Variants in KCNH5 observed in about 807,000 individuals in gnomAD.
The protein encoded by KCNH5 is voltage-gated delayed rectifier potassium channel KCNH5.
In KCNH5, 46 loss-of-function variants were observed where a neutral mutation model predicts 96.1. That is an observed-to-expected ratio of 0.48 (90% confidence interval 0.38 to 0.61). The LOEUF is 0.61. KCNH5 is among the 20% of genes least tolerant of loss of function. The pLI, the probability that KCNH5 is intolerant of heterozygous loss-of-function variation, is 0.00. For synonymous variants in KCNH5, 439 were observed against 449.8 expected, an observed-to-expected ratio of 0.98 and a Z score of 0.30; for missense variants, 907 against 1,225.8, an observed-to-expected ratio of 0.74 and a Z score of 3.88.
At chr14:62,768,921 A>T (rs750721849) in intron 10 of KCNH5, among the ~76,000 whole-genome samples, 2 of 152,212 alleles carry the variant, frequency 1.3e-5, no homozygotes, top group Non-Finnish European at 2.9e-5. Flanking sequence ...AAAAGTTTTT[A>T]TTCCGTCTGG....
chr14:62,718,712 G>A (rs1359431711), intron 10 of KCNH5, among the ~76,000 whole-genome samples: 2 of 152,204 alleles, frequency 1.3e-5, no homozygotes, highest in East Asian at 1.9e-4. Flanking sequence ...CTCCTATATA[G>A]CCAAGAGAAT....
chr14:62,987,616 G>A (rs866689127), intron 4 of KCNH5, among the ~76,000 whole-genome samples: 24 of 152,126 alleles, frequency 1.6e-4, no homozygotes, highest in African/African-American at 5.1e-4. Context: ...CTTCCATGCC[G>A]TGATTTAAGA....
At chr14:62,780,986 A>C (rs1886199333) in intron 9 of KCNH5, among the ~76,000 whole-genome samples, 1 of 152,152 alleles carries the variant, frequency 6.6e-6, no homozygotes, top group Non-Finnish European at 1.5e-5. Context: ...GTCATCATGC[A>C]GATTAAAATC....
intron 10 of KCNH5, among the ~76,000 whole-genome samples, chr14:62,761,064 A>T (rs949251589): frequency 2.0e-5 from 3 of 152,166 alleles, no homozygotes; most frequent in African/African-American, 7.2e-5. Context: ...TCCTCAAAAG[A>T]TTACGGTCGG....
In KCNH5 at chr14:63,006,486, A is replaced by G. The variant is rs1891129824; in HGVS notation, c.198-14T>C. ...CCATACATAAAACTGGGGGGGAAAA[A>G]AAACAAACAATCGATTTCACTTTTG... On this transcript the variant is annotated splice_polypyrimidine_tract_variant and intron_variant, in intron 2 of 10. Coordinates refer to ENST00000322893, the MANE Select transcript of KCNH5 (RefSeq NM_139318.5). The G allele has an allele frequency of 6.9e-7, 1 of 1,450,942 alleles. No homozygotes were observed. The highest frequency in any genetic ancestry group is 9.7e-7 in the Non-Finnish European group (1 of 1,035,582). The allele number at this position is 1,450,942 out of a possible 1,614,324, so 89.9% of individuals were successfully genotyped here.
intron 3 of KCNH5, 75 bp from the exon 4 acceptor site, chr14:63,001,534 C>T (rs1026428969): frequency 2.9e-6 from 4 of 1,397,542 alleles, no homozygotes; most frequent in Admixed American, 2.4e-5. Flanking sequence ...CTCCTGGCTT[C>T]CTTCTTCCTT....
chr14:62,756,532 T>C (rs1392408599), intron 10 of KCNH5, among the ~76,000 whole-genome samples: 1 of 152,080 alleles, frequency 6.6e-6, no homozygotes, highest in African/African-American at 2.4e-5. Flanking sequence ...AGAAATCATA[T>C]TAACTGACTT....
At chr14:62,925,620 A>C (rs1318530457) in intron 7 of KCNH5, among the ~76,000 whole-genome samples, 1 of 152,056 alleles carries the variant, frequency 6.6e-6, no homozygotes, top group African/African-American at 2.4e-5. Context: ...ACCCCATCTC[A>C]GCACCCCTGG....
chr14:62,887,439 A>G (rs1408231480), intron 7 of KCNH5, among the ~76,000 whole-genome samples: 1 of 152,206 alleles, frequency 6.6e-6, no homozygotes, highest in Non-Finnish European at 1.5e-5. Context: ...CCAGAAGTAT[A>G]AGAAAAAAGT....
In KCNH5 at chr14:62,732,277, C is replaced by T. The variant is rs1324236785; in HGVS notation, c.2020-23822G>A. Among the ~76,000 whole-genome samples the T allele has an allele frequency of 3.9e-5, 6 of 152,284 alleles. No individual in the cohort carries two copies. The South Asian group carries it at 1.2e-3, about 32-fold the overall frequency. On this transcript the variant is annotated intron_variant, in intron 10 of 10. Transcript: ENST00000322893. ...CTATAGAATGAACACAACCGTGCTT[C>T]TTTTTCTCTTTCCTTTCCCTTGGAG...
intron 10 of KCNH5, among the ~76,000 whole-genome samples, chr14:62,715,429 C>T (rs1171783979): frequency 6.6e-6 from 1 of 152,146 alleles, no homozygotes; most frequent in Non-Finnish European, 1.5e-5. Context: ...TTACTGCTTC[C>T]ATCATCTTAG....
chr14:62,913,117 A>T (rs1889203056), intron 7 of KCNH5, among the ~76,000 whole-genome samples: 1 of 152,246 alleles, frequency 6.6e-6, no homozygotes, highest in South Asian at 2.1e-4. Context: ...TGATTTGTCA[A>T]GATTAATGAA....
intron 8 of KCNH5, among the ~76,000 whole-genome samples, chr14:62,828,508 G>A (rs906875171): frequency 1.3e-5 from 2 of 152,226 alleles, no homozygotes; most frequent in Admixed American, 6.5e-5. Context: ...GAAAGGGAAG[G>A]GGAAGGAAGG....
chr14:62,911,774 C>T (rs1459122635), intron 7 of KCNH5, among the ~76,000 whole-genome samples: 1 of 151,166 alleles, frequency 6.6e-6, no homozygotes, highest in Non-Finnish European at 1.5e-5. Flanking sequence ...CGGTGGCTCA[C>T]ACCTGTAATC....
intron 7 of KCNH5, among the ~76,000 whole-genome samples, chr14:62,877,522 C>A (rs903092338): frequency 1.1e-3 from 167 of 152,114 alleles, no homozygotes; most frequent in African/African-American, 3.8e-3. Flanking sequence ...ACCCCATCAA[C>A]AAGTGGGCGA....
intron 10 of KCNH5, among the ~76,000 whole-genome samples, chr14:62,767,883 C>G (rs116822001): frequency 0.012 from 1,757 of 152,186 alleles, 30 homozygotes; most frequent in African/African-American, 0.04. Context: ...CCATTATAAA[C>G]AATAAAATAA....
chr14:62,709,622 G>A (rs1884527902), intron 10 of KCNH5, among the ~76,000 whole-genome samples: 1 of 152,088 alleles, frequency 6.6e-6, no homozygotes, highest in Non-Finnish European at 1.5e-5. Flanking sequence ...TAAATACATA[G>A]TACAGGTGAG....
rs944493870 is a variant in KCNH5, at chr14:62,706,425, C to T, written c.*1083G>A. 6.6e-6 allele frequency: 1 copy of T among 152,186 alleles called. No individual in the cohort carries two copies. The highest frequency in any genetic ancestry group is 1.5e-5 in the Non-Finnish European group (1 of 67,988). 9.4% of individuals were successfully genotyped at this position (152,186 alleles called of 1,614,324 possible). On this transcript the variant is annotated 3_prime_UTR_variant, in exon 11 of 11. Coordinates refer to ENST00000322893, the MANE Select transcript of KCNH5 (RefSeq NM_139318.5). ...ACATTTCATGTGTTATCACTACAAACACTAGGATTCATGTGTCAACAATCC... is the reference window on the plus strand; with the variant it reads ...ACATTTCATGTGTTATCACTACAAATACTAGGATTCATGTGTCAACAATCC...
At chr14:63,006,341 T>C in intron 3 of KCNH5, 25 bp downstream of exon 3, 2 of 1,362,778 alleles carry the variant, frequency 1.5e-6, no homozygotes, top group Non-Finnish European at 2.1e-6. Context: ...AGTTGGCACA[T>C]CTTATTAATA....
Sources: allele counts gnomAD v4.1 joint callset (sites outside exome capture counted in the v4.1 genomes callset), GRCh38; gene constraint gnomAD v4.1.1; transcripts MANE v1.5; gene names NCBI Gene and HGNC (gene_info 2026-07-23, HGNC 2026-07-21).